The following SMYD3 variants were observed in gnomAD, a reference collection of about 807,000 sequenced individuals.
The protein encoded by SMYD3 is SET and MYND domain containing 3, also known as histone-lysine N-methyltransferase SMYD3.
Under a neutral mutation model 57.7 loss-of-function variants are expected in SMYD3, and 36 were observed. That is an observed-to-expected ratio of 0.62 (90% confidence interval 0.48 to 0.82). The LOEUF (loss-of-function observed/expected upper bound fraction) is 0.82. SMYD3 is among the 40% of genes least tolerant of loss of function. The probability of loss-of-function intolerance (pLI) is 0.00; values close to 1 mark genes in which losing one functional copy is unlikely to be tolerated. For synonymous variants in SMYD3, 211 were observed against 195.0 expected (o/e 1.08, Z -0.68); for missense variants, 515 against 538.8 (o/e 0.96, Z 0.44).
At chr1:246,414,621 GCA>G (rs35633135) in intron 1 of SMYD3, among the ~76,000 whole-genome samples, 48,786 of 150,570 alleles carry the variant, frequency 0.32, 8,253 homozygotes, top group Non-Finnish European at 0.36. Flanking sequence ...ACACATAAAT[GCA>G]CACACACACA....
At chr1:246,371,600 G>A (rs2066193037) in intron 1 of SMYD3, among the ~76,000 whole-genome samples, 1 of 152,146 alleles carries the variant, frequency 6.6e-6, no homozygotes, top group African/African-American at 2.4e-5. Context: ...TTTTTAAAAA[G>A]TACCATGGGT....
chr1:245,853,313 A>T (rs1418504830), intron 10 of SMYD3, among the ~76,000 whole-genome samples: 1 of 152,234 alleles, frequency 6.6e-6, no homozygotes, highest in African/African-American at 2.4e-5. Flanking sequence ...CTTCGTTGTC[A>T]GAGACAATGA....
At chr1:246,161,747 T>C (rs1255307311) in intron 5 of SMYD3, among the ~76,000 whole-genome samples, 1 of 152,204 alleles carries the variant, frequency 6.6e-6, no homozygotes, top group Non-Finnish European at 1.5e-5. Flanking sequence ...TGACAGTATA[T>C]TTCAAATGAC....
chr1:245,968,675 G>C (rs1406758412), intron 5 of SMYD3, among the ~76,000 whole-genome samples: 1 of 152,170 alleles, frequency 6.6e-6, no homozygotes, highest in Non-Finnish European at 1.5e-5. Flanking sequence ...AGTTACTCAA[G>C]TCTTCTGGAA....
At chr1:245,985,710 C>T (rs1371018802) in intron 5 of SMYD3, among the ~76,000 whole-genome samples, 4 of 152,120 alleles carry the variant, frequency 2.6e-5, no homozygotes, top group Admixed American at 6.6e-5. Context: ...CCAATAACAC[C>T]AAAAACTAGT....
chr1:246,247,487 T>TATATATATACATATATATA (rs1558347068), intron 5 of SMYD3, among the ~76,000 whole-genome samples: 1 of 141,360 alleles, frequency 7.1e-6, no homozygotes, highest in African/African-American at 2.8e-5. Context: ...ATATATATAT[T>TATATATATACATATATATA]TTTTAACATG....
intron 5 of SMYD3, among the ~76,000 whole-genome samples, chr1:246,106,396 T>C (rs780179282): frequency 2.6e-5 from 4 of 152,202 alleles, no homozygotes; most frequent in South Asian, 4.1e-4. Flanking sequence ...TAAATAAAGA[T>C]AGTCCCAAAA....
intron 7 of SMYD3, 137 bp downstream of exon 7, chr1:245,927,794 T>C: frequency 1.5e-6 from 1 of 660,834 alleles, no homozygotes; most frequent in Non-Finnish European, 2.7e-6. Flanking sequence ...GAGAGGTGAC[T>C]GAACTACAAA....
At chr1:246,218,244 T>G (rs1215366094) in intron 5 of SMYD3, among the ~76,000 whole-genome samples, 2 of 147,398 alleles carry the variant, frequency 1.4e-5, no homozygotes, top group Non-Finnish European at 3.0e-5. Flanking sequence ...AAAAAGCCAG[T>G]GAAAGGAACA....
chr1:246,436,488 C>T (rs539836523), intron 1 of SMYD3, among the ~76,000 whole-genome samples: 1 of 152,272 alleles, frequency 6.6e-6, no homozygotes, highest in Admixed American at 6.5e-5. Context: ...CTCAGCTTCC[C>T]TTAACATTGA....
At chr1:246,312,307 T>C (rs2065093210) in intron 5 of SMYD3, among the ~76,000 whole-genome samples, 1 of 152,032 alleles carries the variant, frequency 6.6e-6, no homozygotes, top group Non-Finnish European at 1.5e-5. Flanking sequence ...TTATCTCTAA[T>C]GGCAAAATAT....
At chr1:245,823,149 G>A (rs2049272627) in intron 10 of SMYD3, among the ~76,000 whole-genome samples, 1 of 152,178 alleles carries the variant, frequency 6.6e-6, no homozygotes, top group Non-Finnish European at 1.5e-5. Flanking sequence ...GAGGAATAGA[G>A]CTGGATAAAA....
intron 5 of SMYD3, among the ~76,000 whole-genome samples, chr1:246,266,049 T>C (rs2064099958): frequency 6.6e-6 from 1 of 152,242 alleles, no homozygotes; most frequent in Non-Finnish European, 1.5e-5. Context: ...CAATCATTTG[T>C]TCAAGATCCC....
chr1:246,185,428 G>C (rs887934697), intron 5 of SMYD3, among the ~76,000 whole-genome samples: 2 of 146,830 alleles, frequency 1.4e-5, no homozygotes, highest in Non-Finnish European at 3.0e-5. Context: ...GTAGAGACAG[G>C]GTTTTGCCAT....
chr1:245,949,346 C>T (rs576236086), intron 5 of SMYD3, among the ~76,000 whole-genome samples: 17 of 152,274 alleles, frequency 1.1e-4, no homozygotes, highest in East Asian at 3.9e-4. Flanking sequence ...CTGGTGCGCC[C>T]GGGGTCCCTG....
At chr1:245,938,411 C>T (rs139388470) in intron 5 of SMYD3, among the ~76,000 whole-genome samples, 96 of 152,286 alleles carry the variant, frequency 6.3e-4, no homozygotes, top group African/African-American at 2.2e-3. Context: ...GGGCAGGAGC[C>T]AGGGAAGAAC....
At chr1:245,967,274 T>C (rs992509432) in intron 5 of SMYD3, among the ~76,000 whole-genome samples, 1 of 152,220 alleles carries the variant, frequency 6.6e-6, no homozygotes, top group Non-Finnish European at 1.5e-5. Context: ...TCATTTCAAA[T>C]TTGACTGAAT....
At chr1:246,175,480 G>C (rs141997204) in intron 5 of SMYD3, among the ~76,000 whole-genome samples, 14 of 152,260 alleles carry the variant, frequency 9.2e-5, no homozygotes, top group African/African-American at 3.4e-4. Flanking sequence ...AAGTACTCCA[G>C]ACTTGAAAAT....
At chr1:246,501,013 T>C (rs1320557328) in intron 1 of SMYD3, among the ~76,000 whole-genome samples, 2 of 152,246 alleles carry the variant, frequency 1.3e-5, no homozygotes, top group Non-Finnish European at 2.9e-5. Context: ...TTTCAAATCC[T>C]AGACCCATTA....
Sources: gnomAD v4.1 joint callset for allele counts (sites outside exome capture counted in the v4.1 genomes callset) on GRCh38, gnomAD v4.1.1 for gene constraint, MANE v1.5 for transcripts, NCBI Gene and HGNC (gene_info 2026-07-23, HGNC 2026-07-21) for gene names.